Variants in NKAIN3 observed in about 807,000 individuals in gnomAD.
NKAIN3 encodes the protein sodium/potassium transporting ATPase interacting 3.
Under a neutral mutation model 30.2 loss-of-function variants are expected in NKAIN3, and 25 were observed. The observed-to-expected ratio is 0.83, with a 90% CI of 0.60 to 1.16. The LOEUF (loss-of-function observed/expected upper bound fraction) is 1.16. Among genes scored for constraint, NKAIN3 ranks in the 50% most tolerant of loss-of-function variants. The pLI is 0.00. For missense variants in NKAIN3, 225 were observed against 254.1 expected (o/e 0.89, Z 0.78); for synonymous variants, 91 against 89.6 (o/e 1.02, Z -0.09).
chr8:62,322,678 G>T (rs1310130841), intron 1 of NKAIN3, among the ~76,000 whole-genome samples: 3 of 152,196 alleles, frequency 2.0e-5, no homozygotes, highest in South Asian at 4.1e-4. Context: ...CCTATTCTAA[G>T]TTGTAAAGAT....
At chr8:62,434,916 A>G (rs2129597799) in intron 1 of NKAIN3, among the ~76,000 whole-genome samples, 1 of 152,240 alleles carries the variant, frequency 6.6e-6, no homozygotes, top group Middle Eastern at 3.4e-3. Context: ...TTTGCAGAAC[A>G]TCTATTATGC....
chr8:62,580,239 ACATATATCCAAAACTTGGT>A (rs1373281562), intron 2 of NKAIN3, among the ~76,000 whole-genome samples: 1 of 152,152 alleles, frequency 6.6e-6, no homozygotes, highest in Admixed American at 6.5e-5. Context: ...TGAATTTGAA[ACATATATCCAAAACTTGGT>A]CAGCACACAC....
intron 3 of NKAIN3, among the ~76,000 whole-genome samples, chr8:62,737,331 T>A (rs1490716312): frequency 6.6e-6 from 1 of 152,230 alleles, no homozygotes; most frequent in East Asian, 1.9e-4. Context: ...TCCTGAATGT[T>A]TCTCTGCTAA....
intron 3 of NKAIN3, among the ~76,000 whole-genome samples, chr8:62,675,977 C>T (rs1586077820): frequency 6.6e-6 from 1 of 152,108 alleles, no homozygotes. Context: ...CTATTCTGTT[C>T]CAATTATTCT....
At chr8:62,898,957 C>T (rs137983123) in intron 4 of NKAIN3, among the ~76,000 whole-genome samples, 266 of 59,996 alleles carry the variant, frequency 4.4e-3, no homozygotes, top group Middle Eastern at 0.021. Context: ...AACATACAAA[C>T]GGGAAATAGA....
Position 62,819,133 on chromosome 8 carries a change from T to TTTTA in NKAIN3, c.471+72005_471+72006insTTAT, listed in dbSNP as rs1554581345. Among the ~76,000 whole-genome samples the TTTTA allele has an allele frequency of 7.0e-3, 694 of 98,812 alleles. 7 individuals carry two copies. The highest frequency in any genetic ancestry group is 0.053 in the South Asian group (143 of 2,702). 64.8% of individuals were successfully genotyped at this position (98,812 alleles called of 152,430 possible). A position where few individuals can be genotyped will look rare whatever the true frequency, so the allele number is the denominator to read the frequency against. On this transcript the variant is annotated intron_variant, in intron 4 of 6. Coordinates refer to ENST00000623646, the MANE Select transcript of NKAIN3 (RefSeq NM_001304533.3). ...AATACTGGGAGTTACAGAATTATCG[T>TTTTA]TATATATATATATATATACATATAT...
intron 5 of NKAIN3, among the ~76,000 whole-genome samples, chr8:62,922,929 G>C (rs1822326662): frequency 6.6e-6 from 1 of 152,038 alleles, no homozygotes; most frequent in South Asian, 2.1e-4. Flanking sequence ...GATCTATGAA[G>C]GTAGAATCTT....
At chr8:62,361,157 T>C (rs1346043116) in intron 1 of NKAIN3, among the ~76,000 whole-genome samples, 3 of 152,216 alleles carry the variant, frequency 2.0e-5, no homozygotes, top group African/African-American at 7.2e-5. Flanking sequence ...GAAAAAAATC[T>C]GTGACTTGTG....
intron 3 of NKAIN3, among the ~76,000 whole-genome samples, chr8:62,746,601 G>A (rs1816078747): frequency 6.6e-6 from 1 of 152,162 alleles, no homozygotes; most frequent in Admixed American, 6.5e-5. Flanking sequence ...TGATGTTGCA[G>A]CAACAAGAAA....
chr8:62,498,494 A>G (rs1807313007), intron 1 of NKAIN3, among the ~76,000 whole-genome samples: 1 of 151,784 alleles, frequency 6.6e-6, no homozygotes, highest in South Asian at 2.1e-4. Context: ...CTCACACTCT[A>G]CCACCAAATG....
intron 3 of NKAIN3, among the ~76,000 whole-genome samples, chr8:62,676,252 G>A (rs1005413560): frequency 1.3e-5 from 2 of 152,192 alleles, no homozygotes; most frequent in African/African-American, 4.8e-5. Flanking sequence ...ACACCTGTTA[G>A]CTTAGAACAG....
intron 3 of NKAIN3, among the ~76,000 whole-genome samples, chr8:62,641,671 AT>A (rs1812311014): frequency 6.6e-6 from 1 of 152,140 alleles, no homozygotes; most frequent in South Asian, 2.1e-4. Context: ...TAGCTCATTG[AT>A]TGATAAAGTG....
chr8:62,908,771 C>A (rs1359975461), intron 4 of NKAIN3, among the ~76,000 whole-genome samples: 1 of 152,148 alleles, frequency 6.6e-6, no homozygotes, highest in Non-Finnish European at 1.5e-5. Flanking sequence ...TTATAAATTA[C>A]CCAGTCTTAG....
rs184903535 is a variant in NKAIN3 at position 62,385,454 on chromosome 8, A to C, written c.54+136327A>C. ...ATCCAGTATTTAAATAATCCAGATC[A>C]TTCCACCTTTAAATCCACCAACTCA... On this transcript the variant is annotated intron_variant, in intron 1 of 6. Coordinates refer to ENST00000623646, the MANE Select transcript of NKAIN3 (RefSeq NM_001304533.3). 7.2e-5 allele frequency among the ~76,000 whole-genome samples: 11 copies of C among 152,322 alleles called. No homozygotes were observed. The East Asian group carries it at 1.9e-3, about 27-fold the overall frequency.
At chr8:62,383,156 A>G (rs1424749121) in intron 1 of NKAIN3, among the ~76,000 whole-genome samples, 1 of 152,102 alleles carries the variant, frequency 6.6e-6, no homozygotes, top group Non-Finnish European at 1.5e-5. Flanking sequence ...ACATTACTCA[A>G]TACCAAAAGA....
intron 3 of NKAIN3, among the ~76,000 whole-genome samples, chr8:62,627,632 GA>G (rs1811831221): frequency 6.6e-6 from 1 of 152,066 alleles, no homozygotes. Context: ...GGATGATGGT[GA>G]TTTCAGTAAT....
intron 4 of NKAIN3, among the ~76,000 whole-genome samples, chr8:62,857,499 G>C (rs770652118): frequency 3.3e-5 from 5 of 152,194 alleles, no homozygotes; most frequent in East Asian, 3.9e-4. Flanking sequence ...TCATAGATTT[G>C]ATCTCTTTAC....
intron 3 of NKAIN3, among the ~76,000 whole-genome samples, chr8:62,610,161 C>T (rs1319590090): frequency 6.6e-6 from 1 of 151,922 alleles, no homozygotes; most frequent in East Asian, 1.9e-4. Context: ...GCCTGACCAA[C>T]ACAGCAAAAC....
intron 1 of NKAIN3, among the ~76,000 whole-genome samples, chr8:62,521,237 A>G (rs1243898877): frequency 6.6e-6 from 1 of 151,978 alleles, no homozygotes; most frequent in Non-Finnish European, 1.5e-5. Context: ...TGACGCTCTG[A>G]TTCTAGGAAA....
Sources: allele counts gnomAD v4.1 joint callset (sites outside exome capture counted in the v4.1 genomes callset), GRCh38; gene constraint gnomAD v4.1.1; transcripts MANE v1.5; gene names NCBI Gene and HGNC (gene_info 2026-07-23, HGNC 2026-07-21).